CATSPERE: variants seen among roughly 807,000 people sequenced by gnomAD.
CATSPERE encodes the protein catsper channel auxiliary subunit epsilon.
CATSPERE carries 93 observed loss-of-function variants against 114.1 expected under a neutral mutation model. The observed-to-expected ratio is 0.81, with a 90% CI of 0.69 to 0.97. CATSPERE has a LOEUF of 0.97. CATSPERE is among the 50% of genes least tolerant of loss of function. The probability of loss-of-function intolerance (pLI) is 0.00; values close to 1 mark genes in which losing one functional copy is unlikely to be tolerated. For synonymous variants in CATSPERE, 341 were observed against 384.1 expected, an observed-to-expected ratio of 0.89 and a Z score of 1.31; for missense variants, 1,058 against 1,131.6, an observed-to-expected ratio of 0.93 and a Z score of 0.93.
At chr1:244,595,794 G>T (rs185378757) in intron 17 of CATSPERE, among the ~76,000 whole-genome samples, 2 of 152,252 alleles carry the variant, frequency 1.3e-5, no homozygotes, top group African/African-American at 2.4e-5. Flanking sequence ...TTAGCCGGGC[G>T]TGGTGGCGGG....
At chr1:244,545,752 C>A (rs1336496103) in intron 8 of CATSPERE, among the ~76,000 whole-genome samples, 1 of 152,174 alleles carries the variant, frequency 6.6e-6, no homozygotes, top group African/African-American at 2.4e-5. Flanking sequence ...ACATGCACAG[C>A]AACACAATAC....
At chr1:244,485,262 A>G (rs542790395) in intron 5 of CATSPERE, among the ~76,000 whole-genome samples, 1 of 151,806 alleles carries the variant, frequency 6.6e-6, no homozygotes, top group South Asian at 2.1e-4. Context: ...GCTCACTGCA[A>G]CTTCTGCCTC....
Position 244,569,403 on chromosome 1 carries a change from C to T in CATSPERE, c.1508-2927C>T, listed in dbSNP as rs180731595. On this transcript the variant is annotated intron_variant, in intron 10 of 21. Transcript: ENST00000366534. ...CATCTTGCCCACAACTCCCCCTTTT[C>T]TGTGAATTTTCTATTCATACTGTTT... Among the ~76,000 whole-genome samples, 173 of 152,352 alleles carry T rather than the reference C, an allele frequency of 1.1e-3. 2 individuals carry two copies. The highest frequency in any genetic ancestry group is 4.1e-3 in the African/African-American group (170 of 41,592).
chr1:244,540,062 G>T (rs1454464378), intron 8 of CATSPERE, among the ~76,000 whole-genome samples: 1 of 150,974 alleles, frequency 6.6e-6, no homozygotes, highest in East Asian at 2.0e-4. Context: ...TACTGAATGG[G>T]CAAAAACTGG....
chr1:244,613,642 G>A (rs1392249413), intron 19 of CATSPERE, among the ~76,000 whole-genome samples: 1 of 152,138 alleles, frequency 6.6e-6, no homozygotes, highest in African/African-American at 2.4e-5. Context: ...TGTGTCCATT[G>A]AGGCTTCTGT....
intron 18 of CATSPERE, among the ~76,000 whole-genome samples, chr1:244,606,127 A>G (rs1369081988): frequency 3.9e-5 from 6 of 152,162 alleles, no homozygotes; most frequent in African/African-American, 1.4e-4. Context: ...CTTGTGCACT[A>G]AGTCAAACGG....
At chr1:244,472,229 A>G (rs3124063) in intron 2 of CATSPERE, among the ~76,000 whole-genome samples, 62,756 of 152,032 alleles carry the variant, frequency 0.41, 13,495 homozygotes, top group East Asian at 0.73. Flanking sequence ...TGAAAGTGCT[A>G]GGATTACAGG....
chr1:244,626,192 T>C (rs1057143366), intron 20 of CATSPERE, among the ~76,000 whole-genome samples: 3 of 152,018 alleles, frequency 2.0e-5, no homozygotes, highest in African/African-American at 2.4e-5. Flanking sequence ...CTAGCTATGA[T>C]AGTTCTAGGT....
chr1:244,565,409 A>G (rs1290809899), intron 10 of CATSPERE, among the ~76,000 whole-genome samples: 1 of 152,138 alleles, frequency 6.6e-6, no homozygotes, highest in Admixed American at 6.5e-5. Context: ...GCTATTCATT[A>G]CTGTCTCAGT....
intron 17 of CATSPERE, among the ~76,000 whole-genome samples, chr1:244,601,459 A>G (rs1009861443): frequency 6.6e-6 from 1 of 152,212 alleles, no homozygotes; most frequent in Admixed American, 6.5e-5. Context: ...CTCAGAATGA[A>G]GCCATAAAAC....
At position 244,621,145 on chromosome 1, in the gene CATSPERE, TATA is replaced by T. The variant is rs1558609906; in HGVS notation, c.2648+3460_2648+3462del. 1.6e-4 allele frequency among the ~76,000 whole-genome samples: 12 copies of T among 74,542 alleles called. 2 individuals are homozygous for T. Among genetic ancestry groups the T allele is most frequent in the Admixed American group, 1.5e-3 (7 of 4,614 alleles). The allele number at this position is 74,542 out of a possible 152,430, so 48.9% of individuals were successfully genotyped here. ...TATATATAAATATATATAAAATATA[TATA>T]TTATAAAATATATATATTATATATA... On this transcript the variant is annotated intron_variant, in intron 20 of 21. Transcript: ENST00000366534.
At chr1:244,549,253 A>G (rs888429250) in intron 8 of CATSPERE, among the ~76,000 whole-genome samples, 1 of 152,226 alleles carries the variant, frequency 6.6e-6, no homozygotes, top group Non-Finnish European at 1.5e-5. Flanking sequence ...GTAAAGAACC[A>G]TGACCAGCTG....
intron 19 of CATSPERE, among the ~76,000 whole-genome samples, chr1:244,616,103 G>T (rs749209893): frequency 2.0e-5 from 3 of 151,972 alleles, no homozygotes; most frequent in Non-Finnish European, 4.4e-5. Flanking sequence ...AACTCCAGCC[G>T]GGGTGTCAGA....
chr1:244,582,645 G>A (rs1203999590), intron 12 of CATSPERE, among the ~76,000 whole-genome samples: 2 of 151,826 alleles, frequency 1.3e-5, no homozygotes, highest in Non-Finnish European at 2.9e-5. Context: ...CAGGTGATCC[G>A]CCCACCTTGG....
At chr1:244,606,112 T>C (rs1015786677) in intron 18 of CATSPERE, among the ~76,000 whole-genome samples, 2 of 152,214 alleles carry the variant, frequency 1.3e-5, no homozygotes, top group Non-Finnish European at 2.9e-5. Flanking sequence ...TTAGGACATT[T>C]ATCACTTGTG....
chr1:244,625,407 T>TTA (rs1558618818), intron 20 of CATSPERE, among the ~76,000 whole-genome samples: 1 of 11,646 alleles, frequency 8.6e-5, no homozygotes, highest in Non-Finnish European at 1.4e-4. Flanking sequence ...TATTATTATT[T>TTA]ATATATATAT....
At chr1:244,629,657 T>C (rs10803232) in intron 20 of CATSPERE, among the ~76,000 whole-genome samples, 147,451 of 151,764 alleles carry the variant, frequency 0.97, 71,669 homozygotes, top group East Asian at 1. Context: ...CTTTTGTTTT[T>C]GAGACAGAGT....
intron 2 of CATSPERE, among the ~76,000 whole-genome samples, chr1:244,468,300 G>A (rs1211755488): frequency 6.6e-6 from 1 of 152,006 alleles, no homozygotes; most frequent in Non-Finnish European, 1.5e-5. Context: ...CACCATGTTA[G>A]CCAGGATGGT....
chr1:244,561,017 T>C lies in CATSPERE; in HGVS notation c.1379T>C (p.Leu460Pro). The C allele has an allele frequency of 1.2e-6, 2 of 1,613,420 alleles. No individual in the cohort carries two copies. Among genetic ancestry groups the C allele is most frequent in the Non-Finnish European group, 1.7e-6 (2 of 1,179,362 alleles). ...FTFSALPGLLLWNKHSIYYCY... is the reference protein window; with the variant it reads ...FTFSALPGLLPWNKHSIYYCY... The stretch of plus-strand genomic sequence containing the variant: ...TTTTCAGCACTGCCAGGATTACTGC[T>C]ATGGAACAAGCATAGTATCTACTAT... The change falls in exon 10 of 22, where the codon CTA (leucine) becomes CCA (proline). Residue 460 changes from leucine (L) to proline (P), a missense_variant. By Grantham distance (98) the Leu-to-Pro change is moderately conservative. Around this residue, in one of 2 missense-constraint regions of CATSPERE, gnomAD observed 787 missense variants for 905.6 expected, o/e 0.87. Transcript: ENST00000366534.
Sources: gnomAD v4.1 joint callset for allele counts (sites outside exome capture counted in the v4.1 genomes callset) on GRCh38, gnomAD v4.1.1 for gene constraint, gnomAD v4.1.1 regional missense constraint, MANE v1.5 for transcripts, NCBI Gene and HGNC (gene_info 2026-07-23, HGNC 2026-07-21) for gene names.